MKX: variants seen among roughly 807,000 people sequenced by gnomAD.
MKX encodes mohawk homeobox, also known as homeobox protein Mohawk.
A neutral mutation model predicts 36.0 loss-of-function variants in MKX; 13 were observed. The observed-to-expected ratio is 0.36, with a 90% CI of 0.24 to 0.57. The LOEUF (loss-of-function observed/expected upper bound fraction) is 0.57. Ranked by LOEUF, MKX falls within the 20% of genes least tolerant of loss-of-function variation. The pLI, the probability that MKX is intolerant of heterozygous loss-of-function variation, is 0.79. For missense variants in MKX, 458 were observed against 456.4 expected, an observed-to-expected ratio of 1.00 and a Z score of -0.03; for synonymous variants, 176 against 178.3, an observed-to-expected ratio of 0.99 and a Z score of 0.10.
rs537848834 is a variant in MKX at position 27,673,790 on chromosome 10, T to TA, written c.*1438dup. ...CATCAACTAGAGCAGCCTTTGGTTTTAAAAGCATTTTGCAAAATAAAGAAA... is the reference window on the plus strand; with the variant it reads ...CATCAACTAGAGCAGCCTTTGGTTTTAAAAAGCATTTTGCAAAATAAAGAAA... On this transcript the variant is annotated 3_prime_UTR_variant, in exon 7 of 7. Coordinates refer to ENST00000419761, the MANE Select transcript of MKX (RefSeq NM_173576.3). 2.6e-5 allele frequency: 4 copies of TA among 152,572 alleles called. No homozygotes were observed. The highest frequency in any genetic ancestry group is 9.6e-5 in the African/African-American group (4 of 41,542). The allele number at this position is 152,572 out of a possible 1,614,324, so 9.5% of individuals were successfully genotyped here.
intron 5 of MKX, among the ~76,000 whole-genome samples, chr10:27,698,797 G>A: frequency 6.6e-6 from 1 of 152,056 alleles, no homozygotes; most frequent in East Asian, 1.9e-4. Context: ...AGGGTGTTTT[G>A]ATATTTTCTC....
In MKX at chr10:27,675,295, G is replaced by T. The variant is rs773255840; in HGVS notation, c.993C>A (p.Ile331=). Residue 331 remains isoleucine (I), a synonymous_variant, in exon 7 of 7, where the codon ATC becomes ATA. Coordinates refer to ENST00000419761, the MANE Select transcript of MKX (RefSeq NM_173576.3). ...CTGCTATATGGGACGACTTCTGGATGATGCAGCTGGTAGTTCCCTGCAGTT... is the reference window on the plus strand; with the variant it reads ...CTGCTATATGGGACGACTTCTGGATTATGCAGCTGGTAGTTCCCTGCAGTT... The part of the protein sequence containing the change: ...KDKLQGTTSC[I]IQKSSHIAEV... 5 of 1,614,186 alleles carry T rather than the reference G, an allele frequency of 3.1e-6. No individual in the cohort carries two copies. The highest frequency in any genetic ancestry group is 3.4e-6 in the Non-Finnish European group (4 of 1,180,020).
At position 27,704,690 on chromosome 10, in the gene MKX, C is replaced by A. The variant is rs569524968; in HGVS notation, c.839-29136G>T. On this transcript the variant is annotated intron_variant, in intron 5 of 6. Coordinates refer to ENST00000419761, the MANE Select transcript of MKX (RefSeq NM_173576.3). ...TTTTGTCACACCATATTATACTATA[C>A]CTCAAACGAAGATATTCCAAATTGA... Among the ~76,000 whole-genome samples the A allele has an allele frequency of 2.0e-5, 3 of 152,148 alleles. No individual in the cohort carries two copies. The East Asian group carries it at 5.8e-4, about 29-fold the overall frequency.
chr10:27,725,507 G>C (rs996665575), intron 5 of MKX, among the ~76,000 whole-genome samples: 2 of 151,734 alleles, frequency 1.3e-5, no homozygotes, highest in Admixed American at 6.6e-5. Flanking sequence ...AAGAAACCAG[G>C]CTTCCAAAAT....
intron 5 of MKX, among the ~76,000 whole-genome samples, chr10:27,731,488 T>C (rs907294194): frequency 2.6e-5 from 4 of 152,198 alleles, no homozygotes; most frequent in African/African-American, 7.2e-5. Context: ...AAGACAGCCA[T>C]TGATTGTTTT....
Position 27,712,111 on chromosome 10 carries a change from C to A in MKX, c.838+22345G>T, listed in dbSNP as rs8181307. On this transcript the variant is annotated intron_variant, in intron 5 of 6. Transcript: ENST00000419761. Reference sequence around the variant, plus strand: ...CAGCTGTCCTGGCTTGGATACAGCTCTGGAGTGGTCAAAAGAGCGCTCTGT... The same window carrying A: ...CAGCTGTCCTGGCTTGGATACAGCTATGGAGTGGTCAAAAGAGCGCTCTGT... 0.015 allele frequency among the ~76,000 whole-genome samples: 2,350 copies of A among 152,216 alleles called. 156 individuals carry two copies. The East Asian group carries it at 0.2, about 13-fold the overall frequency.
At chr10:27,726,549 C>G (rs1589688243) in intron 5 of MKX, among the ~76,000 whole-genome samples, 1 of 151,966 alleles carries the variant, frequency 6.6e-6, no homozygotes, top group Admixed American at 6.6e-5. Context: ...GCTTTTTATT[C>G]TTTGGTGGAT....
At chr10:27,716,351 A>G (rs1177659944) in intron 5 of MKX, among the ~76,000 whole-genome samples, 1 of 147,400 alleles carries the variant, frequency 6.8e-6, no homozygotes. Flanking sequence ...TAAGCCCGGG[A>G]GGATGAGGCT....
chr10:27,689,105 T>C (rs1240056606), intron 5 of MKX, among the ~76,000 whole-genome samples: 1 of 152,216 alleles, frequency 6.6e-6, no homozygotes, highest in Non-Finnish European at 1.5e-5. Flanking sequence ...ATTATTGCCA[T>C]GCTTTTCAAA....
intron 5 of MKX, among the ~76,000 whole-genome samples, chr10:27,709,447 C>T (rs2132539532): frequency 6.6e-6 from 1 of 152,222 alleles, no homozygotes; most frequent in South Asian, 2.1e-4. Flanking sequence ...CCAAGCCTCC[C>T]AAGATACAGA....
intron 3 of MKX, among the ~76,000 whole-genome samples, chr10:27,740,964 G>A (rs1834879215): frequency 6.6e-6 from 1 of 152,156 alleles, no homozygotes; most frequent in South Asian, 2.1e-4. Flanking sequence ...CTCTGCTTCA[G>A]TAACACCTGG....
intron 5 of MKX, among the ~76,000 whole-genome samples, chr10:27,693,801 A>C (rs1013240397): frequency 1.3e-5 from 2 of 152,140 alleles, no homozygotes; most frequent in African/African-American, 4.8e-5. Context: ...ACTCTTTGTT[A>C]TATCTTTTGA....
chr10:27,727,601 A>C (rs1443471160), intron 5 of MKX, among the ~76,000 whole-genome samples: 1 of 152,268 alleles, frequency 6.6e-6, no homozygotes, highest in African/African-American at 2.4e-5. Context: ...TTAAGTTTTT[A>C]TAATTCTATA....
intron 5 of MKX, among the ~76,000 whole-genome samples, chr10:27,687,060 A>G (rs1227150238): frequency 1.3e-5 from 2 of 150,820 alleles, no homozygotes; most frequent in Admixed American, 6.6e-5. Context: ...GCTGGAGTGC[A>G]GTGTGGCACG....
At chr10:27,701,387 T>C (rs373884371) in intron 5 of MKX, among the ~76,000 whole-genome samples, 3 of 136,860 alleles carry the variant, frequency 2.2e-5, no homozygotes, top group Non-Finnish European at 4.7e-5. Context: ...TATATATATA[T>C]GTATAAAATT....
At chr10:27,688,980 G>T (rs1836405666) in intron 5 of MKX, among the ~76,000 whole-genome samples, 1 of 152,174 alleles carries the variant, frequency 6.6e-6, no homozygotes, top group African/African-American at 2.4e-5. Context: ...CTAGAAGTTG[G>T]CTGGAAAGTC....
intron 3 of MKX, among the ~76,000 whole-genome samples, chr10:27,735,970 G>A (rs535600639): frequency 2.0e-5 from 3 of 152,306 alleles, no homozygotes; most frequent in African/African-American, 7.2e-5. Flanking sequence ...ATTTGGGGAA[G>A]GAGATGAAAC....
At chr10:27,675,670 T>A in intron 5 of MKX, 116 bp from the exon 6 acceptor site, 1 of 1,072,812 alleles carries the variant, frequency 9.3e-7, no homozygotes, top group Non-Finnish European at 1.3e-6. Context: ...TGGTTGAAAA[T>A]TAGTTCGCTT....
At chr10:27,705,556 T>C (rs1294314425) in intron 5 of MKX, among the ~76,000 whole-genome samples, 1 of 152,224 alleles carries the variant, frequency 6.6e-6, no homozygotes, top group African/African-American at 2.4e-5. Flanking sequence ...AGTCTCACTA[T>C]GGTGCCCAGG....
Sources: gnomAD v4.1 joint callset for allele counts (sites outside exome capture counted in the v4.1 genomes callset) on GRCh38, gnomAD v4.1.1 for gene constraint, MANE v1.5 for transcripts, NCBI Gene and HGNC (gene_info 2026-07-23, HGNC 2026-07-21) for gene names.